The following LHCGR variants were observed in gnomAD, a reference collection of about 807,000 sequenced individuals.
LHCGR encodes luteinizing hormone/choriogonadotropin receptor.
Under a neutral mutation model 60.7 loss-of-function variants are expected in LHCGR, and 55 were observed. That is an observed-to-expected ratio of 0.91 (90% CI 0.73 to 1.13). The LOEUF is 1.13. LHCGR is among the 50% of genes most tolerant of loss of function. The pLI is 0.00. For missense variants in LHCGR, 862 were observed against 836.0 expected, an observed-to-expected ratio of 1.03 and a Z score of -0.38; for synonymous variants, 337 against 316.5, an observed-to-expected ratio of 1.06 and a Z score of -0.69.
intron 6 of LHCGR, among the ~76,000 whole-genome samples, chr2:48,718,273 T>C (rs1668351278): frequency 1.3e-5 from 2 of 152,184 alleles, no homozygotes; most frequent in African/African-American, 4.8e-5. Context: ...ATGTCAGTAA[T>C]TGTGAATCAC....
chr2:48,688,580 A>C lies in LHCGR; in HGVS notation c.1217T>G (p.Phe406Cys), dbSNP rs750614707. The C allele has an allele frequency of 1.2e-6, 2 of 1,614,178 alleles. No individual in the cohort carries two copies. The highest frequency in any genetic ancestry group is 1.7e-6 in the Non-Finnish European group (2 of 1,180,034). ...GAGCAGCAGATAGAGCCCCATGCAA[A>C]AGTCTGCAAAGGAGAGATTGCACAT... is the stretch of plus-strand genomic sequence containing the variant. ...FLMCNLSFAD[F>C]CMGLYLLLIA... Residue 406 changes from phenylalanine to cysteine, a missense_variant, in exon 11 of 11, where the codon TTT becomes TGT. Coordinates refer to ENST00000294954, the MANE Select transcript of LHCGR (RefSeq NM_000233.4). The surrounding 1 kb of genome is among the most constrained non-coding windows in gnomAD (Gnocchi z 5.2).
At chr2:48,738,063 T>C (rs1669277720) in intron 1 of LHCGR, among the ~76,000 whole-genome samples, 1 of 152,190 alleles carries the variant, frequency 6.6e-6, no homozygotes, top group East Asian at 1.9e-4. Context: ...ATCCTCTGCT[T>C]TTTGTGTGTG....
intron 3 of LHCGR, among the ~76,000 whole-genome samples, chr2:48,726,958 CT>C (rs1668764053): frequency 1.3e-5 from 2 of 152,198 alleles, no homozygotes; most frequent in Admixed American, 6.5e-5. Flanking sequence ...CAGTTTAGTG[CT>C]TGTTCCACCA....
intron 3 of LHCGR, among the ~76,000 whole-genome samples, chr2:48,726,609 A>G (rs1668740687): frequency 6.6e-6 from 1 of 152,206 alleles, no homozygotes; most frequent in African/African-American, 2.4e-5. Flanking sequence ...GGGTTTCTTA[A>G]TCCAGGTGAC....
intron 1 of LHCGR, among the ~76,000 whole-genome samples, chr2:48,737,786 G>C (rs1669266174): frequency 6.6e-6 from 1 of 152,186 alleles, no homozygotes; most frequent in African/African-American, 2.4e-5. Flanking sequence ...TTTGATTATT[G>C]TTGATTGCTC....
intron 1 of LHCGR, among the ~76,000 whole-genome samples, chr2:48,733,447 T>C (rs940906369): frequency 1.3e-5 from 2 of 152,182 alleles, no homozygotes; most frequent in Admixed American, 6.5e-5. Flanking sequence ...GATCATGCAA[T>C]GGCAGTCTCC....
intron 6 of LHCGR, among the ~76,000 whole-genome samples, chr2:48,717,705 T>C (rs879933299): frequency 1.3e-5 from 2 of 152,082 alleles, no homozygotes; most frequent in African/African-American, 4.8e-5. Context: ...GGTCTTTCTC[T>C]TCCTGGGCAG....
intron 3 of LHCGR, among the ~76,000 whole-genome samples, chr2:48,728,804 C>T (rs186971546): frequency 5.5e-4 from 83 of 152,220 alleles, no homozygotes; most frequent in Non-Finnish European, 3.8e-4. Context: ...CCCAATGAAC[C>T]AATTTATGAT....
At chr2:48,739,787 A>C (rs1298516351) in intron 1 of LHCGR, among the ~76,000 whole-genome samples, 1 of 152,200 alleles carries the variant, frequency 6.6e-6, no homozygotes, top group East Asian at 1.9e-4. Flanking sequence ...TGTTGTGTAC[A>C]TGTACCCTAA....
chr2:48,710,223 G>A (rs1263762292), intron 7 of LHCGR, among the ~76,000 whole-genome samples: 3 of 151,822 alleles, frequency 2.0e-5, no homozygotes, highest in Non-Finnish European at 4.4e-5. Context: ...CCATCCCCTG[G>A]GTATATTTCT....
intron 6 of LHCGR, among the ~76,000 whole-genome samples, chr2:48,718,411 G>C (rs1402824645): frequency 6.6e-6 from 1 of 152,000 alleles, no homozygotes; most frequent in African/African-American, 2.4e-5. Flanking sequence ...AGCACTTCTG[G>C]GATTCTAATA....
chr2:48,748,537 C>A (rs1255529384), intron 1 of LHCGR, among the ~76,000 whole-genome samples: 1 of 152,182 alleles, frequency 6.6e-6, no homozygotes, highest in Non-Finnish European at 1.5e-5. Context: ...TATTCACTTT[C>A]CAGGTTGAGA....
At position 48,687,899 on chromosome 2, in the gene LHCGR, T is replaced by A. The variant is rs749149974; in HGVS notation, c.1898A>T (p.Asp633Val). The A allele has an allele frequency of 1.2e-6, 2 of 1,614,022 alleles. No homozygotes were observed. Among genetic ancestry groups the A allele is most frequent in the Non-Finnish European group, 1.7e-6 (2 of 1,180,004 alleles). ...YAIFTKTFQR[D>V]FFLLLSKFGC... Reference sequence around the variant, plus strand: ...AAATTTGCTCAGCAAAAGAAAGAAATCTCTTTGGAATGTCTTAGTGAATAT... The same window carrying A: ...AAATTTGCTCAGCAAAAGAAAGAAAACTCTTTGGAATGTCTTAGTGAATAT... Residue 633 changes from aspartate (D) to valine (V), a missense_variant, in exon 11 of 11, where the codon GAT becomes GTT. Coordinates refer to ENST00000294954, the MANE Select transcript of LHCGR (RefSeq NM_000233.4).
intron 1 of LHCGR, among the ~76,000 whole-genome samples, chr2:48,751,990 C>A (rs1669977426): frequency 6.6e-6 from 1 of 152,164 alleles, no homozygotes; most frequent in Admixed American, 6.5e-5. Context: ...CTTTATATAG[C>A]CATGGGCAAG....
rs1167174930 is a variant in LHCGR at position 48,686,883 on chromosome 2, C to T, written c.*814G>A. On this transcript the variant is annotated 3_prime_UTR_variant, in exon 11 of 11. Transcript: ENST00000294954. ...ACTTCAGAGTAATTCTAACTCAGCA[C>T]ATTTGTAGTGTACCATTGCCAAGAT... 6.6e-6 allele frequency: 1 copy of T among 152,086 alleles called. No homozygotes were observed. The highest frequency in any genetic ancestry group is 6.5e-5 in the Admixed American group (1 of 15,272). The allele number at this position is 152,086 out of a possible 1,614,324, so 9.4% of individuals were successfully genotyped here. A position where few individuals can be genotyped will look rare whatever the true frequency, so the allele number is the denominator to read the frequency against.
At chr2:48,729,699 C>A (rs1267591632) in intron 2 of LHCGR, among the ~76,000 whole-genome samples, 1 of 152,206 alleles carries the variant, frequency 6.6e-6, no homozygotes, top group Non-Finnish European at 1.5e-5. Flanking sequence ...TGTTTCATAA[C>A]TCTTAACCCT....
intron 3 of LHCGR, 149 bp from the exon 4 acceptor site, chr2:48,725,899 C>T: frequency 1.4e-6 from 1 of 703,826 alleles, no homozygotes; most frequent in Admixed American, 2.0e-5. Flanking sequence ...CCCCTAGCGA[C>T]TCTGGGGATG....
chr2:48,704,832 A>G (rs899119801), intron 8 of LHCGR, among the ~76,000 whole-genome samples: 1 of 152,134 alleles, frequency 6.6e-6, no homozygotes, highest in African/African-American at 2.4e-5. Flanking sequence ...AATCTATTCA[A>G]AAAACCAGCT....
At chr2:48,731,102 AT>A in intron 2 of LHCGR, 124 bp downstream of exon 2, 1 of 657,428 alleles carries the variant, frequency 1.5e-6, no homozygotes, top group East Asian at 2.7e-5. Context: ...AAAGATAAAA[AT>A]ATGTGAGTAT....
Sources: allele counts gnomAD v4.1 joint callset (sites outside exome capture counted in the v4.1 genomes callset), GRCh38; gene constraint gnomAD v4.1.1; non-coding constraint Gnocchi (gnomAD v3.1); transcripts MANE v1.5; gene names NCBI Gene and HGNC (gene_info 2026-07-23, HGNC 2026-07-21).